The following FBXL4 variants were observed in gnomAD, a reference collection of about 807,000 sequenced individuals.
The protein encoded by FBXL4 is F-box and leucine rich repeat protein 4.
In FBXL4, 40 loss-of-function variants were observed where a neutral mutation model predicts 58.9. The observed-to-expected ratio is 0.68, with a 90% CI of 0.53 to 0.88. FBXL4 has a LOEUF of 0.88. Ranked by LOEUF, FBXL4 falls within the 40% of genes least tolerant of loss-of-function variation. FBXL4 has a pLI of 0.00. For synonymous variants in FBXL4, 263 were observed against 265.5 expected (o/e 0.99, Z 0.09); for missense variants, 676 against 734.4 (o/e 0.92, Z 0.92).
At chr6:98,892,514 A>G (rs1208958846) in intron 7 of FBXL4, among the ~76,000 whole-genome samples, 1 of 152,228 alleles carries the variant, frequency 6.6e-6, no homozygotes, top group African/African-American at 2.4e-5. Context: ...TTTAAATCAA[A>G]TAAGAATGCA....
At chr6:98,920,855 C>CAT (rs1554221594) in intron 4 of FBXL4, among the ~76,000 whole-genome samples, 87 of 148,374 alleles carry the variant, frequency 5.9e-4, no homozygotes, top group African/African-American at 2.0e-3. Context: ...CACACACACA[C>CAT]ATTCTGGAGA....
In FBXL4 at chr6:98,874,452, GAAACAAAACAAAACA is replaced by G. The variant is rs377666976; in HGVS notation, c.1703-26_1703-12del. 6 of 1,595,008 alleles carry G rather than the reference GAAACAAAACAAAACA, an allele frequency of 3.8e-6. No individual in the cohort carries two copies. In the South Asian group the frequency reaches 4.6e-5, roughly 12 times the overall value. On this transcript the variant is annotated splice_polypyrimidine_tract_variant and intron_variant, in intron 9 of 9. Coordinates refer to ENST00000369244, the MANE Select transcript of FBXL4 (RefSeq NM_001278716.2). Reference sequence around the variant, plus strand: ...TTACCATTCTTGTTCCTATTTAAGGGAAACAAAACAAAACAAAACAAAACACCTTAAGTATAACAT... The same window carrying G: ...TTACCATTCTTGTTCCTATTTAAGGGAAACAAAACACCTTAAGTATAACAT...
intron 2 of FBXL4, among the ~76,000 whole-genome samples, chr6:98,930,473 T>C (rs1772972558): frequency 6.6e-6 from 1 of 152,188 alleles, no homozygotes; most frequent in African/African-American, 2.4e-5. Context: ...TTAATGGATG[T>C]GCTCATGAGT....
chr6:98,929,152 A>T (rs1038794793), intron 2 of FBXL4, among the ~76,000 whole-genome samples: 2 of 152,220 alleles, frequency 1.3e-5, no homozygotes, highest in Non-Finnish European at 2.9e-5. Context: ...GTATAACAGC[A>T]TCCTTTTGCC....
intron 6 of FBXL4, among the ~76,000 whole-genome samples, chr6:98,902,141 G>A (rs1184588608): frequency 6.6e-6 from 1 of 152,004 alleles, no homozygotes; most frequent in Non-Finnish European, 1.5e-5. Context: ...AAAATAAAAG[G>A]TAATAGTCCT....
intron 2 of FBXL4, among the ~76,000 whole-genome samples, chr6:98,928,637 T>A (rs900657555): frequency 1.3e-5 from 2 of 152,174 alleles, no homozygotes; most frequent in Admixed American, 6.5e-5. Context: ...GCCCCAACTT[T>A]TCTTTAATAG....
chr6:98,910,873 G>C (rs1386302998), intron 5 of FBXL4, among the ~76,000 whole-genome samples: 1 of 152,168 alleles, frequency 6.6e-6, no homozygotes, highest in African/African-American at 2.4e-5. Context: ...AGCAGGGCGA[G>C]GCATTGCCTC....
chr6:98,898,879 C>T, intron 7 of FBXL4: 1 of 985,282 alleles, frequency 1.0e-6, no homozygotes, highest in Non-Finnish European at 1.2e-6. Flanking sequence ...ATTTTAACCC[C>T]CAAGTCTGGT....
intron 2 of FBXL4, among the ~76,000 whole-genome samples, chr6:98,931,711 T>C (rs1182427416): frequency 6.6e-6 from 1 of 152,356 alleles, no homozygotes; most frequent in East Asian, 1.9e-4. Context: ...CTTCATTGAT[T>C]CTAAACTCCT....
At chr6:98,931,100 G>A (rs1442356490) in intron 2 of FBXL4, among the ~76,000 whole-genome samples, 1 of 152,174 alleles carries the variant, frequency 6.6e-6, no homozygotes, top group Admixed American at 6.5e-5. Flanking sequence ...CTTAATCTCT[G>A]GACATCACTT....
intron 5 of FBXL4, among the ~76,000 whole-genome samples, chr6:98,906,403 T>C (rs563318193): frequency 1.3e-5 from 2 of 151,674 alleles, no homozygotes; most frequent in Non-Finnish European, 2.9e-5. Flanking sequence ...CTCCCACTTA[T>C]GAGTGAGAAC....
At chr6:98,904,037 G>A (rs541269546) in intron 6 of FBXL4, among the ~76,000 whole-genome samples, 2 of 152,178 alleles carry the variant, frequency 1.3e-5, no homozygotes, top group Admixed American at 6.5e-5. Flanking sequence ...AGAGCTATGA[G>A]GGTAATTAAA....
rs1770819134 is a variant in FBXL4, at chr6:98,880,618, C to T, written c.1324G>A (p.Ala442Thr). ...VLYRTKVEQT[A>T]LLSILNFCSE... ...CAGAAGTTCAAAATGCTGAGCAGTG[C>T]TGTTTGCTGCCATTAGGGACCACAT... Residue 442 changes from alanine to threonine, a missense_variant, in exon 8 of 10, where the codon GCA (alanine) becomes ACA (threonine). By Grantham distance (58) the Ala-to-Thr change is moderately conservative. Coordinates refer to ENST00000369244, the MANE Select transcript of FBXL4 (RefSeq NM_001278716.2). 6.2e-7 allele frequency: 1 copy of T among 1,613,532 alleles called. No homozygotes were observed. Among genetic ancestry groups the T allele is most frequent in the African/African-American group, 1.3e-5 (1 of 74,890 alleles).
intron 4 of FBXL4, among the ~76,000 whole-genome samples, chr6:98,923,804 T>C (rs1772674263): frequency 6.6e-6 from 1 of 152,228 alleles, no homozygotes; most frequent in African/African-American, 2.4e-5. Flanking sequence ...TAACAGTTAC[T>C]GAATCTGGGC....
At chr6:98,903,891 T>C (rs750825838) in intron 6 of FBXL4, among the ~76,000 whole-genome samples, 2 of 152,136 alleles carry the variant, frequency 1.3e-5, no homozygotes, top group African/African-American at 2.4e-5. Flanking sequence ...ATCTTTATCT[T>C]CTCTGTAGCC....
chr6:98,887,358 G>T (rs1473479092), intron 7 of FBXL4, among the ~76,000 whole-genome samples: 1 of 152,192 alleles, frequency 6.6e-6, no homozygotes, highest in African/African-American at 2.4e-5. Context: ...GTTCTTCAGA[G>T]AAATCACAAC....
At chr6:98,888,752 G>A (rs1771123125) in intron 7 of FBXL4, among the ~76,000 whole-genome samples, 1 of 152,152 alleles carries the variant, frequency 6.6e-6, no homozygotes, top group Non-Finnish European at 1.5e-5. Context: ...AAACAACTAT[G>A]GCAAGGCATT....
In FBXL4 at chr6:98,925,263, G is replaced by C. The variant is rs1466108498; in HGVS notation, c.512+1214C>G. On this transcript the variant is annotated intron_variant, in intron 4 of 9. Coordinates refer to ENST00000369244, the MANE Select transcript of FBXL4 (RefSeq NM_001278716.2). ...ATTTATAAACATACTCTGTAGGCGAGGCTTTGGCAAAACACCCATGTACAT... is the reference window on the plus strand; with the variant it reads ...ATTTATAAACATACTCTGTAGGCGACGCTTTGGCAAAACACCCATGTACAT... 3.3e-5 allele frequency among the ~76,000 whole-genome samples: 5 copies of C among 152,082 alleles called. No homozygotes were observed. The East Asian group carries it at 9.6e-4, about 29-fold the overall frequency.
At position 98,899,459 on chromosome 6, in the gene FBXL4, C is replaced by T. The variant is rs745512025; in HGVS notation, c.1126G>A (p.Glu376Lys). 44 of 1,613,440 alleles carry T rather than the reference C, an allele frequency of 2.7e-5. No individual in the cohort carries two copies. Among genetic ancestry groups the T allele is most frequent in the African/African-American group, 8.0e-5 (6 of 74,904 alleles). The change falls in exon 7 of 10, where the codon GAA (glutamate) becomes AAA (lysine). Residue 376 changes from glutamate (E) to lysine (K), a missense_variant. Coordinates refer to ENST00000369244, the MANE Select transcript of FBXL4 (RefSeq NM_001278716.2). The part of the protein sequence containing the change: ...FSRFLKVCGS[E>K]LVRLELSCSH... Reference sequence around the variant, plus strand: ...CAAGACAATTCAAGGCGTACTAATTCGGATCCACAAACCTTCAGAAACCTG... The same window carrying T: ...CAAGACAATTCAAGGCGTACTAATTTGGATCCACAAACCTTCAGAAACCTG...
Sources: gnomAD v4.1 joint callset for allele counts (sites outside exome capture counted in the v4.1 genomes callset) on GRCh38, gnomAD v4.1.1 for gene constraint, MANE v1.5 for transcripts, NCBI Gene and HGNC (gene_info 2026-07-23, HGNC 2026-07-21) for gene names.